Variants in SLC25A13 observed in about 807,000 individuals in gnomAD.
The protein encoded by SLC25A13 is electrogenic aspartate/glutamate antiporter SLC25A13, mitochondrial.
In SLC25A13, 70 loss-of-function variants were observed where a neutral mutation model predicts 85.5. That is an observed-to-expected ratio of 0.82 (90% CI 0.68 to 1.00). The LOEUF is 1.00. Among genes scored for constraint, SLC25A13 ranks in the 50% least tolerant of loss-of-function variants. The pLI is 0.00. For synonymous variants in SLC25A13, 259 were observed against 288.7 expected (o/e 0.90, Z 1.04); for missense variants, 765 against 819.8 (o/e 0.93, Z 0.82).
At position 96,322,070 on chromosome 7, in the gene SLC25A13, G is replaced by T; in HGVS notation, c.-114C>A. 7.1e-7 allele frequency: 1 copy of T among 1,407,538 alleles called. No homozygotes were observed. The highest frequency in any genetic ancestry group is 9.6e-7 in the Non-Finnish European group (1 of 1,036,388). 87.2% of individuals were successfully genotyped at this position (1,407,538 alleles called of 1,614,324 possible). ...CGGCGGCGGTGGGGGCGGCGATACG[G>T]CCAGGCAGCGTGCGTTCCTGGCCTG... On this transcript the variant is annotated 5_prime_UTR_variant, in exon 1 of 18. Coordinates refer to ENST00000265631, the MANE Select transcript of SLC25A13 (RefSeq NM_014251.3).
At chr7:96,155,910 G>T (rs577551165) in intron 13 of SLC25A13, among the ~76,000 whole-genome samples, 1 of 152,338 alleles carries the variant, frequency 6.6e-6, no homozygotes, top group South Asian at 2.1e-4. Flanking sequence ...GGTAGTAAAA[G>T]AATGTGAACG....
At chr7:96,187,124 A>G (rs1031903614) in intron 9 of SLC25A13, among the ~76,000 whole-genome samples, 7 of 152,224 alleles carry the variant, frequency 4.6e-5, no homozygotes, top group Non-Finnish European at 1.0e-4. Flanking sequence ...CTCTGTCTGC[A>G]TAAATAAAAC....
At chr7:96,262,217 T>C (rs1797879927) in intron 3 of SLC25A13, among the ~76,000 whole-genome samples, 1 of 152,206 alleles carries the variant, frequency 6.6e-6, no homozygotes, top group Admixed American at 6.5e-5. Context: ...TGATTTCCTT[T>C]CCTTTAAAAT....
intron 5 of SLC25A13, 116 bp downstream of exon 5, chr7:96,208,722 G>A: frequency 1.7e-6 from 2 of 1,176,354 alleles, no homozygotes; most frequent in South Asian, 2.4e-5. Context: ...GGCCAGGATG[G>A]TCTCGATCTC....
At chr7:96,191,064 C>T (rs1233336075) in intron 7 of SLC25A13, 45 bp downstream of exon 7, 4 of 1,611,368 alleles carry the variant, frequency 2.5e-6, no homozygotes, top group African/African-American at 1.3e-5. Context: ...AATAATAATA[C>T]ACCACAATAC....
chr7:96,156,232 A>G (rs1793259002), intron 13 of SLC25A13, among the ~76,000 whole-genome samples: 1 of 152,222 alleles, frequency 6.6e-6, no homozygotes, highest in Non-Finnish European at 1.5e-5. Context: ...TAGGTTAATC[A>G]ATAATGAGAA....
At chr7:96,134,842 C>T (rs1374075073) in intron 14 of SLC25A13, among the ~76,000 whole-genome samples, 1 of 120,052 alleles carries the variant, frequency 8.3e-6, no homozygotes. Flanking sequence ...AATTGCAACA[C>T]TAAAGGAAAA....
intron 14 of SLC25A13, among the ~76,000 whole-genome samples, chr7:96,140,397 C>CTTTTTT (rs59863233): frequency 2.5e-4 from 22 of 88,134 alleles, no homozygotes; most frequent in Non-Finnish European, 3.8e-4. Flanking sequence ...CAAGGATCTC[C>CTTTTTT]TTTTTTTTTT....
chr7:96,123,230 T>G (rs984324746), intron 15 of SLC25A13, among the ~76,000 whole-genome samples: 1 of 152,180 alleles, frequency 6.6e-6, no homozygotes, highest in Admixed American at 6.5e-5. Flanking sequence ...TTCCTGTTCA[T>G]TTGTAGGAAT....
intron 2 of SLC25A13, among the ~76,000 whole-genome samples, chr7:96,289,632 T>C (rs572007036): frequency 6.6e-6 from 1 of 152,256 alleles, no homozygotes; most frequent in Non-Finnish European, 1.5e-5. Context: ...CAGTAGCCGA[T>C]TCGATCAACT....
intron 2 of SLC25A13, among the ~76,000 whole-genome samples, chr7:96,278,288 C>A (rs1327352986): frequency 3.9e-5 from 6 of 152,134 alleles, no homozygotes; most frequent in African/African-American, 1.4e-4. Flanking sequence ...ACAAGCCTAG[C>A]TGGGTGATAA....
chr7:96,190,982 C>T, intron 7 of SLC25A13, 127 bp downstream of exon 7: 2 of 1,167,470 alleles, frequency 1.7e-6, no homozygotes, highest in East Asian at 2.4e-5. Context: ...ATGAAAAACA[C>T]ACGTTATCAT....
chr7:96,231,001 C>A lies in SLC25A13; in HGVS notation c.328+3801G>T, dbSNP rs1165278263. Among the ~76,000 whole-genome samples, 3 of 152,152 alleles carry A rather than the reference C, an allele frequency of 2.0e-5. No homozygotes were observed. In the East Asian group the frequency reaches 5.8e-4, roughly 29 times the overall value. The stretch of plus-strand genomic sequence containing the variant: ...TGGTGCATGCCTATACTCCCAGCTA[C>A]TTGGGAGGCTGAGGCACAATAATTA... On this transcript the variant is annotated intron_variant, in intron 4 of 17. Transcript: ENST00000265631.
intron 4 of SLC25A13, among the ~76,000 whole-genome samples, chr7:96,211,406 T>G (rs1393966547): frequency 6.6e-6 from 1 of 152,070 alleles, no homozygotes; most frequent in Non-Finnish European, 1.5e-5. Context: ...AATGATTTGT[T>G]TGAAAAAAGA....
Position 96,228,872 on chromosome 7 carries a change from T to G in SLC25A13, c.328+5930A>C, listed in dbSNP as rs189113941. Among the ~76,000 whole-genome samples the G allele has an allele frequency of 5.6e-3, 858 of 152,278 alleles. 7 individuals are homozygous for G. Among genetic ancestry groups the G allele is most frequent in the African/African-American group, 0.019 (794 of 41,570 alleles). On this transcript the variant is annotated intron_variant, in intron 4 of 17. Coordinates refer to ENST00000265631, the MANE Select transcript of SLC25A13 (RefSeq NM_014251.3). ...CCTATGCCAGCAGCTGTGGAGGGTG[T>G]GCTGGGTCCCCCAGCACTCCTGGCC...
In SLC25A13 at chr7:96,189,223, T is replaced by A. The variant is rs1029014868; in HGVS notation, c.933+71A>T. ...CAGATACCAATGCCGCAAAGGCAAC[T>A]GCAAGTGGAACAGGGTTGGGGTATC... On this transcript the variant is annotated intron_variant, in intron 9 of 17. Coordinates refer to ENST00000265631, the MANE Select transcript of SLC25A13 (RefSeq NM_014251.3). 6 of 1,357,928 alleles carry A rather than the reference T, an allele frequency of 4.4e-6. No homozygotes were observed. In the African/African-American group the frequency reaches 8.6e-5, roughly 19 times the overall value. 84.1% of individuals were successfully genotyped at this position (1,357,928 alleles called of 1,614,324 possible). A position where few individuals can be genotyped will look rare whatever the true frequency, so the allele number is the denominator to read the frequency against.
intron 4 of SLC25A13, among the ~76,000 whole-genome samples, chr7:96,217,334 A>G (rs1392081468): frequency 6.6e-6 from 1 of 152,228 alleles, no homozygotes; most frequent in Non-Finnish European, 1.5e-5. Context: ...CAGTTCCTCA[A>G]AAAGTTCAAC....
intron 5 of SLC25A13, among the ~76,000 whole-genome samples, chr7:96,193,745 G>A (rs1794949438): frequency 6.6e-6 from 1 of 152,110 alleles, no homozygotes; most frequent in Non-Finnish European, 1.5e-5. Context: ...GCTGTCGTGT[G>A]TACCCCTATT....
intron 14 of SLC25A13, among the ~76,000 whole-genome samples, chr7:96,139,762 T>C (rs1458960042): frequency 6.6e-6 from 1 of 152,192 alleles, no homozygotes; most frequent in Non-Finnish European, 1.5e-5. Flanking sequence ...TAATATAATG[T>C]CTTCCAGACT....
Sources: allele counts gnomAD v4.1 joint callset (sites outside exome capture counted in the v4.1 genomes callset), GRCh38; gene constraint gnomAD v4.1.1; transcripts MANE v1.5; gene names NCBI Gene and HGNC (gene_info 2026-07-23, HGNC 2026-07-21).